Variants in AGT observed in about 807,000 individuals in gnomAD.
AGT encodes the protein angiotensinogen.
AGT carries 26 observed loss-of-function variants against 28.1 expected under a neutral mutation model. The ratio of observed to expected loss-of-function variants is 0.92; its 90% CI spans 0.68 to 1.28. The LOEUF is 1.28. Ranked by LOEUF, AGT falls within the 50% of genes most tolerant of loss-of-function variation. The probability of loss-of-function intolerance (pLI) is 0.00; values close to 1 mark genes in which losing one functional copy is unlikely to be tolerated. For synonymous variants in AGT, 259 were observed against 259.6 expected, an observed-to-expected ratio of 1.00 and a Z score of 0.02; for missense variants, 596 against 592.3, an observed-to-expected ratio of 1.01 and a Z score of -0.06.
rs553376084 is a variant in AGT, at chr1:230,720,805, C to T, written c.-30-9952G>A. On this transcript the variant is annotated intron_variant, in intron 1 of 4. Transcript: ENST00000681269. ...CCATAAAAAGCCCCAGACCCAGCCA[C>T]ATGGGGGACTTTCCCACCTTCTGGT... Among the ~76,000 whole-genome samples, 519 of 145,292 alleles carry T rather than the reference C, an allele frequency of 3.6e-3. 4 individuals are homozygous for T. The highest frequency in any genetic ancestry group is 0.012 in the African/African-American group (475 of 38,624).
At chr1:230,719,407 T>TTTTTTTTGTTTGTTTGTTTTTG (rs776026911), upstream of AGT, among the ~76,000 whole-genome samples, 4,953 of 58,350 alleles carry the variant, frequency 0.085, 147 homozygotes, top group East Asian at 0.27. Flanking sequence ...TATCATTATG[T>TTTTTTTTGTTTGTTTGTTTTTG]TTTTTTTTTT....
intron 2 of AGT, among the ~76,000 whole-genome samples, chr1:230,708,725 C>G (rs1007848869): frequency 1.3e-5 from 2 of 152,166 alleles, no homozygotes; most frequent in African/African-American, 4.8e-5. Context: ...CATGGATTTG[C>G]CGAGCTGCTC....
upstream of AGT, chr1:230,714,124 CCCGG>C (rs1458569473): frequency 6.6e-6 from 1 of 152,290 alleles, no homozygotes; most frequent in Non-Finnish European, 1.5e-5. Flanking sequence ...AGCTTCTTCC[CCCGG>C]CCGGGTCACG....
chr1:230,739,198 G>GTT (rs566967897), intron 1 of AGT, among the ~76,000 whole-genome samples: 10,400 of 143,814 alleles, frequency 0.072, 524 homozygotes, highest in East Asian at 0.14. Flanking sequence ...TCCTCTACAG[G>GTT]TTTTTTTTTT....
chr1:230,705,508 G>A (rs1018157351), intron 3 of AGT, among the ~76,000 whole-genome samples: 2 of 152,180 alleles, frequency 1.3e-5, no homozygotes, highest in African/African-American at 4.8e-5. Context: ...CCCTGAGAAG[G>A]CCCCACCCCC....
chr1:230,708,128 G>T (rs1237415378), intron 2 of AGT, among the ~76,000 whole-genome samples: 3 of 152,230 alleles, frequency 2.0e-5, no homozygotes, highest in Non-Finnish European at 4.4e-5. Context: ...GGAAACTGAG[G>T]CCAGCAAAGT....
chr1:230,705,450 A>G (rs866834644), intron 3 of AGT, among the ~76,000 whole-genome samples: 7 of 152,108 alleles, frequency 4.6e-5, no homozygotes, highest in Middle Eastern at 3.2e-3. Flanking sequence ...ACCTATCCCC[A>G]CCCAGCCGCC....
At chr1:230,705,891 AG>A (rs773199166) in intron 3 of AGT, 41 bp downstream of exon 3, 3 of 1,610,358 alleles carry the variant, frequency 1.9e-6, no homozygotes, top group Non-Finnish European at 2.5e-6. Flanking sequence ...TGGGCAGGAC[AG>A]TGTGGCTCCC....
At chr1:230,744,959 T>TA (rs1233877547) in intron 1 of AGT, among the ~76,000 whole-genome samples, 3 of 152,200 alleles carry the variant, frequency 2.0e-5, no homozygotes, top group African/African-American at 7.2e-5. Flanking sequence ...GGCCCTCACA[T>TA]TGCCACACCT....
intron 1 of AGT, among the ~76,000 whole-genome samples, chr1:230,729,829 A>G (rs1664017908): frequency 1.3e-5 from 2 of 151,774 alleles, no homozygotes; most frequent in Non-Finnish European, 2.9e-5. Context: ...CTGAATTTCT[A>G]CTCTTCTCTA....
At chr1:230,725,332 A>T (rs12041561) in intron 1 of AGT, among the ~76,000 whole-genome samples, 4 of 152,012 alleles carry the variant, frequency 2.6e-5, no homozygotes, top group Admixed American at 2.6e-4. Context: ...GGGCAGGCCT[A>T]GGGTGCTATT....
At chr1:230,721,857 G>A (rs1346049818) in intron 1 of AGT, among the ~76,000 whole-genome samples, 1 of 152,100 alleles carries the variant, frequency 6.6e-6, no homozygotes, top group African/African-American at 2.4e-5. Context: ...TTGAATATTT[G>A]CATCCTGATG....
chr1:230,724,238 G>A (rs1370680826), intron 1 of AGT, among the ~76,000 whole-genome samples: 2 of 152,176 alleles, frequency 1.3e-5, no homozygotes, highest in Non-Finnish European at 2.9e-5. Flanking sequence ...TATAGAAAAA[G>A]CTTGCTAACC....
intron 1 of AGT, among the ~76,000 whole-genome samples, chr1:230,728,527 T>C (rs1663993126): frequency 6.6e-6 from 1 of 152,210 alleles, no homozygotes; most frequent in Non-Finnish European, 1.5e-5. Context: ...CTGTCATAAT[T>C]TGCTCACCGT....
At chr1:230,738,729 G>A (rs931064534) in intron 1 of AGT, among the ~76,000 whole-genome samples, 1 of 152,190 alleles carries the variant, frequency 6.6e-6, no homozygotes, top group Non-Finnish European at 1.5e-5. Flanking sequence ...GGGAAAGGAT[G>A]AGATGCATAA....
At chr1:230,709,016 C>T (rs1228354941) in intron 2 of AGT, among the ~76,000 whole-genome samples, 1 of 152,218 alleles carries the variant, frequency 6.6e-6, no homozygotes, top group East Asian at 1.9e-4. Flanking sequence ...CTAGCTTCAC[C>T]AGCCCTGTTG....
chr1:230,739,084 G>A (rs1664198765), intron 1 of AGT, among the ~76,000 whole-genome samples: 1 of 152,014 alleles, frequency 6.6e-6, no homozygotes, highest in South Asian at 2.1e-4. Context: ...AAGGCCAGGT[G>A]CAGTGGCTCA....
At chr1:230,734,084 CTGGAGTT>C (rs1664111954) in intron 1 of AGT, among the ~76,000 whole-genome samples, 1 of 152,056 alleles carries the variant, frequency 6.6e-6, no homozygotes, top group African/African-American at 2.4e-5. Flanking sequence ...CTGGCACATA[CTGGAGTT>C]TGTGTGTCAT....
chr1:230,720,612 GT>G (rs1663824339), intron 1 of AGT, among the ~76,000 whole-genome samples: 1 of 152,192 alleles, frequency 6.6e-6, no homozygotes, highest in South Asian at 2.1e-4. Context: ...TTGTCTTCCT[GT>G]TTGGTGTGCT....
Sources: gnomAD v4.1 joint callset for allele counts (sites outside exome capture counted in the v4.1 genomes callset) on GRCh38, gnomAD v4.1.1 for gene constraint, MANE v1.5 for transcripts, NCBI Gene and HGNC (gene_info 2026-07-23, HGNC 2026-07-21) for gene names.